The following SHISA9 variants were observed in gnomAD, a reference collection of about 807,000 sequenced individuals.
SHISA9 encodes the protein shisa family member 9, also known as protein shisa-9.
In SHISA9, 13 loss-of-function variants were observed where a neutral mutation model predicts 38.0. That is an observed-to-expected ratio of 0.34 (90% CI 0.22 to 0.54). SHISA9 has a LOEUF of 0.54. SHISA9 is among the 20% of genes least tolerant of loss of function. The pLI, the probability that SHISA9 is intolerant of heterozygous loss-of-function variation, is 0.91. For synonymous variants in SHISA9, 275 were observed against 242.0 expected, an observed-to-expected ratio of 1.14 and a Z score of -1.27; for missense variants, 538 against 575.8, an observed-to-expected ratio of 0.93 and a Z score of 0.67.
In SHISA9 at chr16:13,213,360, A is replaced by ATGAAGGGATAGAGAGTCCTGGTGTCTGTG; in HGVS notation, c.895+64_895+92dup. The ATGAAGGGATAGAGAGTCCTGGTGTCTGTG allele has an allele frequency of 2.7e-6, 4 of 1,474,762 alleles. No homozygotes were observed. The South Asian group carries it at 4.9e-5, about 18-fold the overall frequency. The allele number at this position is 1,474,762 out of a possible 1,614,324, so 91.4% of individuals were successfully genotyped here. On this transcript the variant is annotated intron_variant, in intron 4 of 4. Coordinates refer to ENST00000558583, the MANE Select transcript of SHISA9 (RefSeq NM_001145204.3). ...GTGTTGTCAAAGTTAGCATTAAATAATGAAGGGATAGAGAGTCCTGGTGTC... is the reference window on the plus strand; with the variant it reads ...GTGTTGTCAAAGTTAGCATTAAATAATGAAGGGATAGAGAGTCCTGGTGTCTGTGTGAAGGGATAGAGAGTCCTGGTGTC...
At chr16:13,227,034 T>C (rs926591933) in intron 4 of SHISA9, among the ~76,000 whole-genome samples, 3 of 152,218 alleles carry the variant, frequency 2.0e-5, no homozygotes, top group Admixed American at 2.0e-4. Context: ...GGTTGCTCTT[T>C]CTGTTACTCT....
chr16:13,234,761 G>C (rs373710571), intron 4 of SHISA9, among the ~76,000 whole-genome samples: 1 of 152,142 alleles, frequency 6.6e-6, no homozygotes, highest in East Asian at 1.9e-4. Flanking sequence ...GGGACTGTGG[G>C]GGGAGAAGTG....
chr16:13,257,892 G>A, the SHISA9 span, among the ~76,000 whole-genome samples: 1 of 152,110 alleles, frequency 6.6e-6, no homozygotes, highest in African/African-American at 2.4e-5. Flanking sequence ...ATAAACCTGT[G>A]CTTTCCATGT....
chr16:12,916,717 G>C lies in SHISA9; in HGVS notation c.593G>C (p.Gly198Ala). The C allele has an allele frequency of 6.4e-7, 1 of 1,551,686 alleles. No homozygotes were observed. Among genetic ancestry groups the C allele is most frequent in the East Asian group, 2.4e-5 (1 of 40,892 alleles). The change falls in exon 2 of 5, where the codon GGC becomes GCC. Residue 198 changes from glycine to alanine, a missense_variant. By Grantham distance (60) the Gly-to-Ala change is moderately conservative. Transcript: ENST00000558583. Reference protein sequence around the residue: ...RALADVMRPQGHCNTDHMERD... With the variant: ...RALADVMRPQAHCNTDHMERD... Reference sequence around the variant, plus strand: ...CTTGCGGATGTCATGAGACCACAGGGCCACTGCAACACTGATCACATGGAG... The same window carrying C: ...CTTGCGGATGTCATGAGACCACAGGCCCACTGCAACACTGATCACATGGAG...
intron 2 of SHISA9, among the ~76,000 whole-genome samples, chr16:13,043,608 C>T (rs978601127): frequency 4.6e-5 from 7 of 152,214 alleles, no homozygotes; most frequent in East Asian, 1.9e-4. Context: ...TCTACTCCTG[C>T]GGTGGGAACT....
At chr16:13,326,693 C>T in the SHISA9 span, among the ~76,000 whole-genome samples, 6 of 151,900 alleles carry the variant, frequency 3.9e-5, no homozygotes, top group Admixed American at 3.9e-4. Flanking sequence ...TGCACTCCAG[C>T]GTGGGAGATG....
At chr16:13,112,163 G>A (rs373805880) in intron 2 of SHISA9, among the ~76,000 whole-genome samples, 12 of 152,050 alleles carry the variant, frequency 7.9e-5, no homozygotes, top group Non-Finnish European at 1.0e-4. Context: ...TTCATGATTC[G>A]TCAGAAAAAG....
At chr16:13,266,642 C>T in the SHISA9 span, among the ~76,000 whole-genome samples, 5 of 152,250 alleles carry the variant, frequency 3.3e-5, no homozygotes, top group Admixed American at 1.3e-4. Context: ...GAAAAAAACA[C>T]ACAACTTTTA....
At chr16:13,414,023 TC>T in the SHISA9 span, among the ~76,000 whole-genome samples, 6 of 152,154 alleles carry the variant, frequency 3.9e-5, no homozygotes, top group African/African-American at 1.4e-4. Context: ...ATTAATTTTT[TC>T]CCAAATCCCA....
chr16:13,470,071 C>T, the SHISA9 span, among the ~76,000 whole-genome samples: 3 of 152,190 alleles, frequency 2.0e-5, no homozygotes, highest in South Asian at 4.2e-4. Context: ...TTTTTAAATC[C>T]TTTTCTTTCC....
chr16:13,041,708 C>T (rs892117542), intron 2 of SHISA9, among the ~76,000 whole-genome samples: 3 of 152,162 alleles, frequency 2.0e-5, no homozygotes, highest in Non-Finnish European at 2.9e-5. Context: ...ATGCCAGAGC[C>T]GTGCCTGGGC....
chr16:13,428,026 T>C, the SHISA9 span, among the ~76,000 whole-genome samples: 16 of 152,214 alleles, frequency 1.1e-4, no homozygotes, highest in Admixed American at 9.8e-4. Context: ...CTACGAAAAA[T>C]CTAAGCATAA....
intron 2 of SHISA9, among the ~76,000 whole-genome samples, chr16:12,984,759 T>TTGGCA (rs2072284682): frequency 6.6e-6 from 1 of 152,224 alleles, no homozygotes; most frequent in African/African-American, 2.4e-5. Context: ...TCTGATTTCC[T>TTGGCA]TGGCATGCTT....
chr16:13,339,294 A>C, the SHISA9 span, among the ~76,000 whole-genome samples: 1 of 151,614 alleles, frequency 6.6e-6, no homozygotes. Flanking sequence ...ATTATTTTAC[A>C]AGGGTCCTAA....
At chr16:13,509,641 C>G in the SHISA9 span, among the ~76,000 whole-genome samples, 5 of 152,288 alleles carry the variant, frequency 3.3e-5, no homozygotes, top group African/African-American at 1.2e-4. Context: ...CCAGGAAAAA[C>G]TATATTTTTA....
chr16:12,954,470 A>G (rs868342441), intron 2 of SHISA9, among the ~76,000 whole-genome samples: 11 of 152,154 alleles, frequency 7.2e-5, no homozygotes, highest in African/African-American at 2.7e-4. Flanking sequence ...GGAAGATTAC[A>G]TGGGGAACAG....
the SHISA9 span, among the ~76,000 whole-genome samples, chr16:13,254,172 G>A: frequency 6.6e-6 from 1 of 152,110 alleles, no homozygotes; most frequent in African/African-American, 2.4e-5. Context: ...CAGGCAATTT[G>A]CATACATTAG....
At chr16:13,162,830 G>GAAA (rs34060769) in intron 2 of SHISA9, among the ~76,000 whole-genome samples, 1 of 148,864 alleles carries the variant, frequency 6.7e-6, no homozygotes. Flanking sequence ...TCATTTACAT[G>GAAA]AAAAAAAAAA....
chr16:13,060,832 G>T (rs557344869), intron 2 of SHISA9, among the ~76,000 whole-genome samples: 2 of 152,276 alleles, frequency 1.3e-5, no homozygotes, highest in East Asian at 3.9e-4. Flanking sequence ...GGAGTTGGAA[G>T]TCAGAGACAA....
Sources: gnomAD v4.1 joint callset for allele counts (sites outside exome capture counted in the v4.1 genomes callset) on GRCh38, gnomAD v4.1.1 for gene constraint, MANE v1.5 for transcripts, NCBI Gene and HGNC (gene_info 2026-07-23, HGNC 2026-07-21) for gene names.